ADCY6: variants seen among roughly 807,000 people sequenced by gnomAD.
ADCY6 encodes adenylate cyclase 6.
ADCY6 carries 59 observed loss-of-function variants against 111.6 expected under a neutral mutation model. The observed-to-expected ratio is 0.53, with a 90% confidence interval of 0.43 to 0.66. The LOEUF is 0.66. Among genes scored for constraint, ADCY6 ranks in the 30% least tolerant of loss-of-function variants. ADCY6 has a pLI of 0.00. For missense variants in ADCY6, 1,242 were observed against 1,595.6 expected (o/e 0.78, Z 3.78); for synonymous variants, 576 against 642.9 (o/e 0.90, Z 1.57).
Position 48,770,860 on chromosome 12 carries a change from G to C in ADCY6, c.3162C>G (p.Ser1054=), listed in dbSNP as rs1760375196. ...CGTAGTCAGCCAGGGCAGTGATGTG[G>C]GAGCGGCCCACCTGATCGTAGGTGC... is the stretch of plus-strand genomic sequence containing the variant. ...NASTYDQVGR[S]HITALADYAM... is the part of the protein sequence containing the mutation. The change falls in exon 20 of 22, where the codon TCC becomes TCG. Residue 1054 remains serine, a synonymous_variant. Coordinates refer to ENST00000357869, the MANE Select transcript of ADCY6 (RefSeq NM_015270.5). The C allele has an allele frequency of 6.2e-7, 1 of 1,614,242 alleles. No homozygotes were observed. Among genetic ancestry groups the C allele is most frequent in the African/African-American group, 1.3e-5 (1 of 75,056 alleles).
chr12:48,774,651 GC>G, intron 13 of ADCY6, 39 bp downstream of exon 13: 1 of 1,604,352 alleles, frequency 6.2e-7, no homozygotes, highest in Non-Finnish European at 8.5e-7. Context: ...CTGGAGTCCA[GC>G]CTGCCCTCCC....
chr12:48,767,085 C>T lies in ADCY6; in HGVS notation c.*1506G>A, dbSNP rs887426137. 2 of 152,690 alleles carry T rather than the reference C, an allele frequency of 1.3e-5. No individual in the cohort carries two copies. Among genetic ancestry groups the T allele is most frequent in the African/African-American group, 2.4e-5 (1 of 41,424 alleles). The allele number at this position is 152,690 out of a possible 1,614,324, so 9.5% of individuals were successfully genotyped here. A position where few individuals can be genotyped will look rare whatever the true frequency, so the allele number is the denominator to read the frequency against. Reference sequence around the variant, plus strand: ...AGTTTAAGGTTCCTCTTCCCCACCCCGTAGTACCAGTATCCAGGTCCTCAG... The same window carrying T: ...AGTTTAAGGTTCCTCTTCCCCACCCTGTAGTACCAGTATCCAGGTCCTCAG... On this transcript the variant is annotated 3_prime_UTR_variant, in exon 22 of 22. Coordinates refer to ENST00000357869, the MANE Select transcript of ADCY6 (RefSeq NM_015270.5).
Position 48,769,006 on chromosome 12 carries a change from A to G in ADCY6, c.3312T>C (p.Tyr1104=). 1 of 1,613,944 alleles carries G rather than the reference A, an allele frequency of 6.2e-7. No homozygotes were observed. The highest frequency in any genetic ancestry group is 8.5e-7 in the Non-Finnish European group (1 of 1,179,938). Residue 1104 remains tyrosine (Y), a synonymous_variant, in exon 21 of 22, where the codon TAT becomes TAC. Transcript: ENST00000357869. ...CATTCACTGTGTTCCCCCAGATGTC[A>G]TACTGTGGCTTCCGAGCCCCGATGA... ...AGVIGARKPQ[Y]DIWGNTVNVS...
chr12:48,778,524 T>G (rs1254297367), intron 2 of ADCY6: 1 of 462,196 alleles, frequency 2.2e-6, no homozygotes, highest in Non-Finnish European at 4.0e-6. Flanking sequence ...TAGGGCCAGA[T>G]AAGTCATGGG....
rs1179945501 is a variant in ADCY6 at position 48,776,413 on chromosome 12, G to A, written c.1535+15C>T. ...ACCTTGCCCCCATCCCCCCCACCTG[G>A]ACCCCCCTACTCACCCAGCCCGGCC... is the stretch of plus-strand genomic sequence containing the variant. On this transcript the variant is annotated intron_variant, in intron 7 of 21. Transcript: ENST00000357869. The surrounding 1 kb of genome is among the most constrained non-coding windows in gnomAD (Gnocchi z 6.1). 6.2e-7 allele frequency: 1 copy of A among 1,611,228 alleles called. No individual in the cohort carries two copies. The highest frequency in any genetic ancestry group is 1.1e-5 in the South Asian group (1 of 90,950).
Position 48,782,566 on chromosome 12 carries a change from C to T in ADCY6, c.864+5G>A, listed in dbSNP as rs1313437360. The T allele has an allele frequency of 3.7e-6, 6 of 1,606,368 alleles. No homozygotes were observed. Among genetic ancestry groups the T allele is most frequent in the Non-Finnish European group, 5.1e-6 (6 of 1,175,956 alleles). ...CCCTCCATCCCTACCTCCCTGGCCA[C>T]CTACCTGCTTCCAGAGGAAGGCATC... On this transcript the variant is annotated splice_donor_5th_base_variant and intron_variant, in intron 2 of 21. Transcript: ENST00000357869. This position sits in a 1 kb window ranked among gnomAD's most constrained non-coding sequence, Gnocchi z 4.3.
Position 48,777,720 on chromosome 12 carries a change from G to A in ADCY6, c.1031C>T (p.Ser344Leu), listed in dbSNP as rs767033731. The A allele has an allele frequency of 3.1e-6, 5 of 1,614,100 alleles. No individual in the cohort carries two copies. The highest frequency in any genetic ancestry group is 2.2e-5 in the South Asian group (2 of 91,070). The change falls in exon 4 of 22, where the codon TCG becomes TTG. Residue 344 changes from serine (S) to leucine (L), a missense_variant. Transcript: ENST00000357869. This position sits in a 1 kb window ranked among gnomAD's most constrained non-coding sequence, Gnocchi z 4.9. Reference sequence around the variant, plus strand: ...CATGGCAACGTGCTGGGGCAATACCGACAGCAGCAGCCGCTCCTAGCCCAG... The same window carrying A: ...CATGGCAACGTGCTGGGGCAATACCAACAGCAGCAGCCGCTCCTAGCCCAG... ...ENRQQERLLL[S>L]VLPQHVAMEM...
rs1453481265 is a variant in ADCY6 at position 48,771,256 on chromosome 12, T to C, written c.3052-286A>G. 13 of 507,140 alleles carry C rather than the reference T, an allele frequency of 2.6e-5. No homozygotes were observed. In the East Asian group the frequency reaches 4.6e-4, roughly 18 times the overall value. The allele number at this position is 507,140 out of a possible 1,614,324, so 31.4% of individuals were successfully genotyped here. On this transcript the variant is annotated intron_variant, in intron 19 of 21. Transcript: ENST00000357869. This position sits in a 1 kb window ranked among gnomAD's most constrained non-coding sequence, Gnocchi z 4.3. The stretch of plus-strand genomic sequence containing the variant: ...AGCAATTTCTCCAATCCTTACCTTT[T>C]GGGATACTGAGTCCCAGAGTGAGCA...
rs1183080226 is a variant in ADCY6 at position 48,767,290 on chromosome 12, C to T, written c.*1301G>A. ...CACAGACAGGGAGAGTCATGCTGCA[C>T]ACATGGCCCCCGAACGGCACTTAGG... On this transcript the variant is annotated 3_prime_UTR_variant, in exon 22 of 22. Coordinates refer to ENST00000357869, the MANE Select transcript of ADCY6 (RefSeq NM_015270.5). 1.3e-5 allele frequency: 2 copies of T among 152,640 alleles called. No individual in the cohort carries two copies. Among genetic ancestry groups the T allele is most frequent in the African/African-American group, 4.8e-5 (2 of 41,430 alleles). The allele number at this position is 152,640 out of a possible 1,614,324, so 9.5% of individuals were successfully genotyped here.
At position 48,771,010 on chromosome 12, in the gene ADCY6, C is replaced by T. The variant is rs764065941; in HGVS notation, c.3052-40G>A. 6.9e-6 allele frequency: 11 copies of T among 1,594,710 alleles called. No individual in the cohort carries two copies. The highest frequency in any genetic ancestry group is 9.4e-6 in the Non-Finnish European group (11 of 1,166,206). ...GAGACCTGGCTGTCAAGGCAAAGAC[C>T]CCAGACCCAGCCCTGCCCCAACACT... On this transcript the variant is annotated intron_variant, in intron 19 of 21. Transcript: ENST00000357869. This position sits in a 1 kb window ranked among gnomAD's most constrained non-coding sequence, Gnocchi z 4.3.
At chr12:48,787,240 T>TC (rs1941994271) in intron 1 of ADCY6, among the ~76,000 whole-genome samples, 1 of 150,814 alleles carries the variant, frequency 6.6e-6, no homozygotes, top group South Asian at 2.1e-4. Flanking sequence ...TGTTCTTATC[T>TC]CCCCCAACAC....
chr12:48,771,535 G>T lies in ADCY6; in HGVS notation c.3051+175C>A. ...CCCCACTAGGGCTGACCCCCTTGCT[G>T]CCTCTGACACCTTCATGGGTTCTTG... On this transcript the variant is annotated intron_variant, in intron 19 of 21. Coordinates refer to ENST00000357869, the MANE Select transcript of ADCY6 (RefSeq NM_015270.5). The surrounding 1 kb of genome is among the most constrained non-coding windows in gnomAD (Gnocchi z 4.3). 1 of 1,051,052 alleles carries T rather than the reference G, an allele frequency of 9.5e-7. No homozygotes were observed. Among genetic ancestry groups the T allele is most frequent in the Non-Finnish European group, 1.4e-6 (1 of 699,882 alleles). The allele number at this position is 1,051,052 out of a possible 1,614,324, so 65.1% of individuals were successfully genotyped here. A position where few individuals can be genotyped will look rare whatever the true frequency, so the allele number is the denominator to read the frequency against.
chr12:48,773,777 T>A, intron 15 of ADCY6, 130 bp from the exon 16 acceptor site: 1 of 1,440,260 alleles, frequency 6.9e-7, no homozygotes, highest in South Asian at 1.2e-5. Context: ...ATCCTCCACC[T>A]TCCATGCCCA....
At chr12:48,775,813 G>T in intron 9 of ADCY6, 115 bp from the exon 10 acceptor site, 1 of 1,507,434 alleles carries the variant, frequency 6.6e-7, no homozygotes, top group Non-Finnish European at 9.0e-7. Context: ...TCCTCTGGGG[G>T]CACTGGGACC....
At chr12:48,789,396 G>A (rs1354899557), upstream of ADCY6, among the ~76,000 whole-genome samples, 1 of 151,862 alleles carries the variant, frequency 6.6e-6, no homozygotes, top group Non-Finnish European at 1.5e-5. Context: ...CACCCCGGCC[G>A]CCTCCTCCGG....
chr12:48,769,884 C>A (rs1490428892), intron 20 of ADCY6, among the ~76,000 whole-genome samples: 1 of 151,612 alleles, frequency 6.6e-6, no homozygotes, highest in Non-Finnish European at 1.5e-5. Flanking sequence ...GCCTCAGCCT[C>A]CCGAGTAGCT....
At chr12:48,775,743 C>T in intron 9 of ADCY6, 45 bp from the exon 10 acceptor site, 2 of 1,599,978 alleles carry the variant, frequency 1.3e-6, no homozygotes, top group Non-Finnish European at 1.7e-6. Flanking sequence ...GGGCCAACAA[C>T]CTTCATCTCT....
At chr12:48,788,581 C>T (rs1483293994) in intron 1 of ADCY6, among the ~76,000 whole-genome samples, 1 of 152,080 alleles carries the variant, frequency 6.6e-6, no homozygotes, top group Admixed American at 6.5e-5. Flanking sequence ...CCCACAGCCC[C>T]GCAGCAAAAA....
intron 20 of ADCY6, among the ~76,000 whole-genome samples, chr12:48,770,087 G>C (rs1288988283): frequency 8.9e-6 from 1 of 112,670 alleles, no homozygotes; most frequent in Non-Finnish European, 1.8e-5. Context: ...TTTTTTTTCA[G>C]TAGAAAAGGG....
Sources: gnomAD v4.1 joint callset for allele counts (sites outside exome capture counted in the v4.1 genomes callset) on GRCh38, gnomAD v4.1.1 for gene constraint, Gnocchi (gnomAD v3.1) non-coding constraint, MANE v1.5 for transcripts, NCBI Gene and HGNC (gene_info 2026-07-23, HGNC 2026-07-21) for gene names.